GSG1L: variants seen among roughly 807,000 people sequenced by gnomAD.
The protein encoded by GSG1L is GSG1 like, also known as germ cell-specific gene 1-like protein.
Under a neutral mutation model 42.1 loss-of-function variants are expected in GSG1L, and 24 were observed. The ratio of observed to expected loss-of-function variants is 0.57; its 90% confidence interval spans 0.41 to 0.80. GSG1L has a LOEUF of 0.80. Among genes scored for constraint, GSG1L ranks in the 30% least tolerant of loss-of-function variants. GSG1L has a pLI of 0.00. For synonymous variants in GSG1L, 215 were observed against 203.5 expected (o/e 1.06, Z -0.48); for missense variants, 445 against 472.2 (o/e 0.94, Z 0.53).
At chr16:27,949,553 G>A (rs985875571) in intron 2 of GSG1L, among the ~76,000 whole-genome samples, 2 of 152,160 alleles carry the variant, frequency 1.3e-5, no homozygotes, top group African/African-American at 2.4e-5. Flanking sequence ...CCAGAAGTTC[G>A]AGGTTACAGT....
intron 2 of GSG1L, among the ~76,000 whole-genome samples, chr16:27,898,414 A>G (rs1486776447): frequency 7.5e-6 from 1 of 132,556 alleles, no homozygotes; most frequent in African/African-American, 2.9e-5. Flanking sequence ...CCTTTTTCCC[A>G]TCTCTAAAAG....
At chr16:27,804,396 G>A (rs564071134) in intron 6 of GSG1L, among the ~76,000 whole-genome samples, 9 of 152,158 alleles carry the variant, frequency 5.9e-5, no homozygotes, top group East Asian at 1.9e-4. Context: ...TCCCAGCTCC[G>A]TGGTTTCTCA....
At chr16:27,883,129 A>T (rs2083980442) in intron 3 of GSG1L, among the ~76,000 whole-genome samples, 1 of 88,516 alleles carries the variant, frequency 1.1e-5, no homozygotes, top group African/African-American at 3.4e-5. Flanking sequence ...AAAAAAAAAA[A>T]AAAAAAAAAA....
chr16:28,049,873 C>T (rs897539592), intron 1 of GSG1L, among the ~76,000 whole-genome samples: 7 of 152,150 alleles, frequency 4.6e-5, no homozygotes, highest in Non-Finnish European at 1.0e-4. Flanking sequence ...ATGCAAAACT[C>T]CACCTGCAAG....
At chr16:27,958,411 TAAAA>T (rs767157230) in intron 2 of GSG1L, among the ~76,000 whole-genome samples, 1 of 117,596 alleles carries the variant, frequency 8.5e-6, no homozygotes. Context: ...AGACTCCATC[TAAAA>T]AAAAAAAAAA....
intron 1 of GSG1L, among the ~76,000 whole-genome samples, chr16:28,046,819 T>C (rs2086166345): frequency 6.6e-6 from 1 of 152,218 alleles, no homozygotes; most frequent in African/African-American, 2.4e-5. Flanking sequence ...TGCCATGTCC[T>C]CTGCCTGGAC....
At chr16:28,025,660 C>T (rs574696704) in intron 1 of GSG1L, among the ~76,000 whole-genome samples, 7 of 152,330 alleles carry the variant, frequency 4.6e-5, no homozygotes, top group East Asian at 1.9e-4. Context: ...GATAAATTCA[C>T]GAATAAATGA....
At position 27,946,659 on chromosome 16, in the gene GSG1L, A is replaced by G. The variant is rs868257616; in HGVS notation, c.397+16497T>C. Reference sequence around the variant, plus strand: ...AGAAAGAAAGAAAGAAAGAAAGAAAAGAAAGAAAGAAAGAAAGAAAGAAAG... The same window carrying G: ...AGAAAGAAAGAAAGAAAGAAAGAAAGGAAAGAAAGAAAGAAAGAAAGAAAG... On this transcript the variant is annotated intron_variant, in intron 2 of 6. Transcript: ENST00000447459. Among the ~76,000 whole-genome samples the G allele has an allele frequency of 1.7e-4, 21 of 122,924 alleles. No individual in the cohort carries two copies. In the South Asian group the frequency reaches 2.6e-3, roughly 15 times the overall value. The allele number at this position is 122,924 out of a possible 152,430, so 80.6% of individuals were successfully genotyped here.
intron 1 of GSG1L, among the ~76,000 whole-genome samples, chr16:28,021,100 T>C (rs1456573488): frequency 1.3e-5 from 2 of 152,210 alleles, no homozygotes; most frequent in South Asian, 2.1e-4. Flanking sequence ...TATAAAGAGA[T>C]ACCGGAGACT....
At chr16:28,035,467 T>C (rs1473909516) in intron 1 of GSG1L, among the ~76,000 whole-genome samples, 1 of 152,156 alleles carries the variant, frequency 6.6e-6, no homozygotes, top group Non-Finnish European at 1.5e-5. Flanking sequence ...CATCTACTCA[T>C]CTCCCTCACA....
At chr16:27,993,320 T>G (rs1322205851) in intron 1 of GSG1L, among the ~76,000 whole-genome samples, 1 of 152,104 alleles carries the variant, frequency 6.6e-6, no homozygotes, top group Non-Finnish European at 1.5e-5. Flanking sequence ...AGCTAATTTT[T>G]TGTATTTTTA....
At chr16:27,866,589 C>T (rs906461686) in intron 3 of GSG1L, among the ~76,000 whole-genome samples, 16 of 152,074 alleles carry the variant, frequency 1.1e-4, no homozygotes, top group African/African-American at 3.9e-4. Context: ...TTAATTTTTT[C>T]GAGACAGAGT....
At chr16:28,036,338 G>A (rs1331589164) in intron 1 of GSG1L, among the ~76,000 whole-genome samples, 3 of 152,244 alleles carry the variant, frequency 2.0e-5, no homozygotes, top group South Asian at 2.1e-4. Flanking sequence ...AAGTTCCTAC[G>A]ACTCCCTCTG....
At chr16:27,833,611 T>C (rs1380706251) in intron 4 of GSG1L, among the ~76,000 whole-genome samples, 1 of 152,186 alleles carries the variant, frequency 6.6e-6, no homozygotes, top group African/African-American at 2.4e-5. Context: ...TCTTCCTTGA[T>C]TTCTTTCATT....
At chr16:27,916,911 T>TA (rs2084463918) in intron 2 of GSG1L, among the ~76,000 whole-genome samples, 2 of 152,016 alleles carry the variant, frequency 1.3e-5, no homozygotes, top group African/African-American at 4.8e-5. Flanking sequence ...AGTGGGGCTA[T>TA]ATCAGTTAAG....
intron 1 of GSG1L, among the ~76,000 whole-genome samples, chr16:28,030,561 C>G (rs966431455): frequency 6.6e-6 from 1 of 152,208 alleles, no homozygotes; most frequent in Non-Finnish European, 1.5e-5. Context: ...CTGGATCCAG[C>G]TGAGACTGAA....
At chr16:28,057,660 C>CGGACTCGA (rs112057694) in intron 1 of GSG1L, among the ~76,000 whole-genome samples, 6,516 of 152,294 alleles carry the variant, frequency 0.043, 464 homozygotes, top group African/African-American at 0.14. Context: ...TCTGCAGCCT[C>CGGACTCGA]GGGTCAGATG....
chr16:27,797,212 A>G (rs1221387817), intron 6 of GSG1L, among the ~76,000 whole-genome samples: 1 of 152,214 alleles, frequency 6.6e-6, no homozygotes, highest in Non-Finnish European at 1.5e-5. Context: ...TAGATTTAAA[A>G]CTATGCAGCC....
intron 2 of GSG1L, among the ~76,000 whole-genome samples, chr16:27,933,386 C>A (rs960576347): frequency 6.6e-6 from 1 of 152,066 alleles, no homozygotes; most frequent in African/African-American, 2.4e-5. Flanking sequence ...GTTGCTCACA[C>A]CTGGAATCCC....
Sources: allele counts gnomAD v4.1 joint callset (sites outside exome capture counted in the v4.1 genomes callset), GRCh38; gene constraint gnomAD v4.1.1; transcripts MANE v1.5; gene names NCBI Gene and HGNC (gene_info 2026-07-23, HGNC 2026-07-21).